Variants in DHX34 observed in about 807,000 individuals in gnomAD.
DHX34 encodes DExH-box helicase 34, also known as probable ATP-dependent RNA helicase DHX34.
DHX34 carries 96 observed loss-of-function variants against 111.1 expected under a neutral mutation model. The ratio of observed to expected loss-of-function variants is 0.86; its 90% CI spans 0.73 to 1.02. DHX34 has a LOEUF of 1.02. DHX34 is among the 50% of genes least tolerant of loss of function. DHX34 has a pLI of 0.00. For synonymous variants in DHX34, 688 were observed against 670.4 expected, an observed-to-expected ratio of 1.03 and a Z score of -0.41; for missense variants, 1,560 against 1,579.9, an observed-to-expected ratio of 0.99 and a Z score of 0.21.
intron 13 of DHX34, among the ~76,000 whole-genome samples, chr19:47,379,264 G>C (rs772967452): frequency 6.6e-6 from 1 of 152,184 alleles, no homozygotes; most frequent in African/African-American, 2.4e-5. Flanking sequence ...CGCATGGCCA[G>C]TCCTGCCCTT....
rs952241318 is a variant in DHX34 at position 47,368,665 on chromosome 19, CACACACATATATATACAT to C, written c.1768+1528_1768+1545del. 8.1e-4 allele frequency among the ~76,000 whole-genome samples: 120 copies of C among 148,812 alleles called. 1 individual carries two copies. The highest frequency in any genetic ancestry group is 1.5e-4 in the Non-Finnish European group (10 of 66,848). Reference sequence around the variant, plus strand: ...ACACACACACACACACACACACATACACACACATATATATACATACACACATATATATACACACACATA... The same window carrying C: ...ACACACACACACACACACACACATACACACACATATATATACACACACATA... On this transcript the variant is annotated intron_variant, in intron 7 of 16. Coordinates refer to ENST00000328771, the MANE Select transcript of DHX34 (RefSeq NM_014681.6).
Position 47,373,680 on chromosome 19 carries a change from A to G in DHX34, c.2044A>G (p.Asn682Asp), listed in dbSNP as rs1970042506. ...GGAGCATCGACTGTACGAAATGGCC[A>G]ACCTTCGGCGCCAGTTCAAGGTGAG... ...IEEHRLYEMA[N>D]LRRQFKELLE... Residue 682 changes from asparagine (N) to aspartate (D), a missense_variant, in exon 9 of 17, where the codon AAC becomes GAC. By Grantham distance (23) the Asn-to-Asp change is conservative. Transcript: ENST00000328771. The G allele has an allele frequency of 6.2e-7, 1 of 1,613,900 alleles. No homozygotes were observed. Among genetic ancestry groups the G allele is most frequent in the East Asian group, 2.2e-5 (1 of 44,870 alleles).
chr19:47,377,227 G>T (rs536296323), intron 13 of DHX34, 21 bp downstream of exon 13: 3 of 1,601,030 alleles, frequency 1.9e-6, no homozygotes, highest in African/African-American at 1.3e-5. Context: ...GCCCCACCCC[G>T]CCCCCATGCC....
At chr19:47,371,064 G>A (rs969149779) in intron 7 of DHX34, among the ~76,000 whole-genome samples, 9 of 152,226 alleles carry the variant, frequency 5.9e-5, no homozygotes, top group African/African-American at 9.6e-5. Context: ...GCTGTGTGCC[G>A]GCGAAAGGCT....
chr19:47,376,577 C>T lies in DHX34; in HGVS notation c.2599+17C>T, dbSNP rs370924510. On this transcript the variant is annotated intron_variant, in intron 12 of 16. Coordinates refer to ENST00000328771, the MANE Select transcript of DHX34 (RefSeq NM_014681.6). ...GAAGCCGAGGTACAGTGAGCCCAGG[C>T]GGAAGGAACCCCCATCCGGGATGTG... 143 of 1,549,382 alleles carry T rather than the reference C, an allele frequency of 9.2e-5. 1 individual carries two copies. The highest frequency in any genetic ancestry group is 2.4e-4 in the East Asian group (10 of 41,076).
intron 12 of DHX34, 50 bp downstream of exon 12, chr19:47,376,610 G>C (rs1257306124): frequency 1.3e-6 from 2 of 1,537,942 alleles, no homozygotes; most frequent in African/African-American, 2.7e-5. Context: ...GTGAGGGGCA[G>C]GGATACCGTG....
chr19:47,370,584 C>A (rs927160867), intron 7 of DHX34, among the ~76,000 whole-genome samples: 3 of 152,246 alleles, frequency 2.0e-5, no homozygotes, highest in Non-Finnish European at 4.4e-5. Context: ...CCCATCCTTG[C>A]AGCACAGCAG....
chr19:47,369,850 G>T (rs1046431452), intron 7 of DHX34, among the ~76,000 whole-genome samples: 1 of 152,094 alleles, frequency 6.6e-6, no homozygotes, highest in Non-Finnish European at 1.5e-5. Context: ...TTGACCTGGC[G>T]GTTCTGTGAG....
Position 47,368,656 on chromosome 19 carries a change from AC to A in DHX34, c.1768+1502del, listed in dbSNP as rs1969874033. On this transcript the variant is annotated intron_variant, in intron 7 of 16. Coordinates refer to ENST00000328771, the MANE Select transcript of DHX34 (RefSeq NM_014681.6). ...TATATATATACACACACACACACAC[AC>A]ACACATACACACACATATATATACA... 2.8e-5 allele frequency among the ~76,000 whole-genome samples: 4 copies of A among 144,640 alleles called. No individual in the cohort carries two copies. The South Asian group carries it at 8.8e-4, about 32-fold the overall frequency. The allele number at this position is 144,640 out of a possible 152,430, so 94.9% of individuals were successfully genotyped here.
chr19:47,379,473 C>G (rs1296969897), intron 13 of DHX34: 1 of 423,510 alleles, frequency 2.4e-6, no homozygotes, highest in Non-Finnish European at 3.2e-6. Flanking sequence ...TCTCCCAGCA[C>G]GCTCCCATCT....
At position 47,375,680 on chromosome 19, in the gene DHX34, C is replaced by G. The variant is rs578058811; in HGVS notation, c.2279C>G (p.Pro760Arg). Residue 760 changes from proline (P) to arginine (R), a missense_variant, in exon 10 of 17, where the codon CCA becomes CGA. Transcript: ENST00000328771. ...SDEDRAGPAP[P>R]GASDGVDIQD... ...GAGGACAGGGCTGGCCCAGCCCCCC[C>G]AGGGGCCAGTGATGGCGTGGACATC... is the stretch of plus-strand genomic sequence containing the variant. The G allele has an allele frequency of 1.3e-6, 2 of 1,557,786 alleles. No individual in the cohort carries two copies. The highest frequency in any genetic ancestry group is 1.2e-5 in the South Asian group (1 of 86,036).
At chr19:47,371,951 G>A (rs1361869584) in intron 7 of DHX34, among the ~76,000 whole-genome samples, 1 of 151,522 alleles carries the variant, frequency 6.6e-6, no homozygotes, top group African/African-American at 2.4e-5. Context: ...GGTGGGCAAG[G>A]GAGCCCCCAG....
chr19:47,350,452 G>A (rs1189411069), intron 1 of DHX34, among the ~76,000 whole-genome samples: 2 of 144,866 alleles, frequency 1.4e-5, no homozygotes, highest in African/African-American at 2.6e-5. Context: ...ATGGAGTTTC[G>A]CTCTTGTTGC....
At chr19:47,356,895 G>A (rs1400959475) in intron 3 of DHX34, among the ~76,000 whole-genome samples, 1 of 152,174 alleles carries the variant, frequency 6.6e-6, no homozygotes, top group African/African-American at 2.4e-5. Context: ...GGAGGCTGCA[G>A]TGAGCCGAGA....
intron 9 of DHX34, chr19:47,375,222 G>A (rs2122337671): frequency 1.1e-6 from 1 of 943,476 alleles, no homozygotes; most frequent in Admixed American, 6.2e-5. Context: ...GGAGCCAGCT[G>A]TGGGAAAAGG....
chr19:47,372,231 CAGG>C (rs1197492743), intron 7 of DHX34, among the ~76,000 whole-genome samples: 2 of 151,930 alleles, frequency 1.3e-5, no homozygotes, highest in East Asian at 3.9e-4. Flanking sequence ...ACAAAGGCTG[CAGG>C]AGAAGATTCA....
chr19:47,372,679 C>T (rs1041703452), intron 7 of DHX34, 51 bp from the exon 8 acceptor site: 2 of 1,516,336 alleles, frequency 1.3e-6, no homozygotes, highest in Non-Finnish European at 1.8e-6. Flanking sequence ...GGGGTGAGGG[C>T]TGCGCCTGTC....
chr19:47,354,296 A>G (rs939150796), intron 2 of DHX34, among the ~76,000 whole-genome samples: 1 of 152,100 alleles, frequency 6.6e-6, no homozygotes, highest in Non-Finnish European at 1.5e-5. Flanking sequence ...CTGCAATGCA[A>G]ACTGCCATCT....
intron 6 of DHX34, among the ~76,000 whole-genome samples, chr19:47,364,909 C>T (rs1969744890): frequency 2.6e-5 from 4 of 152,152 alleles, no homozygotes; most frequent in Admixed American, 1.3e-4. Context: ...TGGCCGCTGG[C>T]TCCAGGCACA....
Sources: gnomAD v4.1 joint callset for allele counts (sites outside exome capture counted in the v4.1 genomes callset) on GRCh38, gnomAD v4.1.1 for gene constraint, MANE v1.5 for transcripts, NCBI Gene and HGNC (gene_info 2026-07-23, HGNC 2026-07-21) for gene names.